ANKRD30A: variants seen among roughly 807,000 people sequenced by gnomAD.
ANKRD30A encodes the protein ankyrin repeat domain 30A.
A neutral mutation model predicts 166.3 loss-of-function variants in ANKRD30A; 170 were observed. That is an observed-to-expected ratio of 1.02 (90% CI 0.90 to 1.16). ANKRD30A has a LOEUF of 1.16. Ranked by LOEUF, ANKRD30A falls within the 50% of genes most tolerant of loss-of-function variation. The pLI is 0.00. For synonymous variants in ANKRD30A, 564 were observed against 508.9 expected, an observed-to-expected ratio of 1.11 and a Z score of -1.46; for missense variants, 1,630 against 1,518.0, an observed-to-expected ratio of 1.07 and a Z score of -1.23.
intron 18 of ANKRD30A, among the ~76,000 whole-genome samples, chr10:37,166,175 A>T (rs941044775): frequency 6.6e-6 from 1 of 152,114 alleles, no homozygotes; most frequent in Non-Finnish European, 1.5e-5. Flanking sequence ...TTTAACACTA[A>T]ACAGTTCTAT....
the ANKRD30A span, among the ~76,000 whole-genome samples, chr10:37,253,352 A>G: frequency 6.6e-6 from 1 of 152,230 alleles, no homozygotes; most frequent in Non-Finnish European, 1.5e-5. Flanking sequence ...GAGATACAAC[A>G]TATACCATAC....
chr10:37,256,231 A>G, the ANKRD30A span, among the ~76,000 whole-genome samples: 4 of 152,232 alleles, frequency 2.6e-5, no homozygotes, highest in Admixed American at 6.5e-5. Context: ...CCTGAATGTG[A>G]TTACCCTACC....
At chr10:37,172,780 A>AAT (rs1485534267) in intron 21 of ANKRD30A, among the ~76,000 whole-genome samples, 141 of 146,542 alleles carry the variant, frequency 9.6e-4, no homozygotes, top group African/African-American at 2.9e-3. Context: ...AGGCATGAGA[A>AAT]ATATATATAT....
At chr10:37,194,229 T>A (rs187644829) in intron 27 of ANKRD30A, among the ~76,000 whole-genome samples, 3 of 152,174 alleles carry the variant, frequency 2.0e-5, no homozygotes, top group Admixed American at 6.5e-5. Flanking sequence ...TCACAACATA[T>A]GTGTGGTTAT....
chr10:37,136,494 A>T, intron 5 of ANKRD30A, 113 bp from the exon 6 acceptor site: 1 of 522,546 alleles, frequency 1.9e-6, no homozygotes, highest in Non-Finnish European at 3.5e-6. Flanking sequence ...TAATGTTCTG[A>T]TGTTAGTTCT....
At chr10:37,130,453 TA>T in intron 3 of ANKRD30A, 75 bp downstream of exon 3, 1 of 1,199,096 alleles carries the variant, frequency 8.3e-7, no homozygotes, top group Non-Finnish European at 1.1e-6. Flanking sequence ...TAAGGTTTTT[TA>T]TATTTGGAAG....
chr10:37,153,431 C>G, intron 12 of ANKRD30A, 141 bp from the exon 13 acceptor site: 4 of 1,266,608 alleles, frequency 3.2e-6, no homozygotes, highest in Non-Finnish European at 3.2e-6. Flanking sequence ...TGTTGGTTTT[C>G]TATATGTATC....
chr10:37,164,606 A>C (rs71502268), intron 17 of ANKRD30A, among the ~76,000 whole-genome samples: 93 of 152,230 alleles, frequency 6.1e-4, no homozygotes, highest in Non-Finnish European at 9.6e-4. Flanking sequence ...AAGGGTTGGA[A>C]ATATAGTTGA....
intron 34 of ANKRD30A, among the ~76,000 whole-genome samples, chr10:37,229,402 CAAT>C (rs1175746430): frequency 1.3e-5 from 2 of 151,868 alleles, no homozygotes; most frequent in African/African-American, 4.8e-5. Context: ...TGTAGAGTAA[CAAT>C]GATATCTCCT....
chr10:37,140,757 T>C (rs1443929066), intron 6 of ANKRD30A, among the ~76,000 whole-genome samples: 1 of 152,218 alleles, frequency 6.6e-6, no homozygotes, highest in Non-Finnish European at 1.5e-5. Context: ...ACAAAAATGC[T>C]ACTATGATAC....
chr10:37,250,554 G>T, the ANKRD30A span, among the ~76,000 whole-genome samples: 1 of 152,188 alleles, frequency 6.6e-6, no homozygotes, highest in East Asian at 1.9e-4. Context: ...CCCAGACCCC[G>T]ACATTTTATA....
the ANKRD30A span, among the ~76,000 whole-genome samples, chr10:37,250,235 T>G: frequency 1.3e-5 from 2 of 152,124 alleles, no homozygotes; most frequent in South Asian, 4.2e-4. Context: ...TAAAAGAACA[T>G]AGTTTAGTAA....
At chr10:37,257,335 CAA>C in the ANKRD30A span, among the ~76,000 whole-genome samples, 29 of 143,590 alleles carry the variant, frequency 2.0e-4, no homozygotes, top group African/African-American at 5.1e-4. Context: ...TTAATCTTTT[CAA>C]AAAAAAAAAC....
chr10:37,195,532 T>C (rs1236872716), intron 27 of ANKRD30A, among the ~76,000 whole-genome samples: 1 of 152,184 alleles, frequency 6.6e-6, no homozygotes, highest in Non-Finnish European at 1.5e-5. Flanking sequence ...ATATTTAAAG[T>C]ATACCTAATA....
Position 37,197,666 on chromosome 10 carries a change from T to TA in ANKRD30A, c.2716+192dup, listed in dbSNP as rs1231176962. On this transcript the variant is annotated intron_variant, in intron 29 of 35. Coordinates refer to ENST00000361713, the MANE Select transcript of ANKRD30A (RefSeq NM_052997.3). ...GCACAGTAATTTTCAATATTTTTTTTAAAAAATGTAGCCTTAATCTCAGAT... is the reference window on the plus strand; with the variant it reads ...GCACAGTAATTTTCAATATTTTTTTTAAAAAAATGTAGCCTTAATCTCAGAT... 8.5e-5 allele frequency among the ~76,000 whole-genome samples: 13 copies of TA among 152,202 alleles called. 1 individual carries two copies. Among genetic ancestry groups the TA allele is most frequent in the African/African-American group, 3.1e-4 (13 of 41,542 alleles).
chr10:37,217,651 T>C, intron 32 of ANKRD30A, 44 bp from the exon 33 acceptor site: 2 of 1,423,822 alleles, frequency 1.4e-6, no homozygotes, highest in Non-Finnish European at 1.9e-6. Flanking sequence ...ATGAATTCTA[T>C]TTTCTAACAA....
chr10:37,164,892 G>A (rs1008187678), intron 17 of ANKRD30A, among the ~76,000 whole-genome samples: 11 of 152,124 alleles, frequency 7.2e-5, no homozygotes, highest in Admixed American at 1.3e-4. Flanking sequence ...GCATTCTAAT[G>A]ACATAATGTT....
chr10:37,206,094 T>G (rs1240994893), intron 31 of ANKRD30A, among the ~76,000 whole-genome samples: 10 of 152,094 alleles, frequency 6.6e-5, no homozygotes. Context: ...AGAAAGAAAC[T>G]GGTAGGAAAA....
In ANKRD30A at chr10:37,158,594, T is replaced by C. The variant is rs766013691; in HGVS notation, c.1900+8T>C. ...TGCAAACTTTCAAAGCAGGTAAATT[T>C]TGTAATTTTAATTTTACTCTGGAAA... On this transcript the variant is annotated splice_region_variant and intron_variant, in intron 15 of 35. Transcript: ENST00000361713. The C allele has an allele frequency of 6.2e-7, 1 of 1,611,928 alleles. No homozygotes were observed. Among genetic ancestry groups the C allele is most frequent in the Non-Finnish European group, 8.5e-7 (1 of 1,179,242 alleles).
Sources: gnomAD v4.1 joint callset for allele counts (sites outside exome capture counted in the v4.1 genomes callset) on GRCh38, gnomAD v4.1.1 for gene constraint, MANE v1.5 for transcripts, NCBI Gene and HGNC (gene_info 2026-07-23, HGNC 2026-07-21) for gene names.